The following SCAF11 variants were observed in gnomAD, a reference collection of about 807,000 sequenced individuals.
The protein encoded by SCAF11 is protein SCAF11.
A neutral mutation model predicts 140.5 loss-of-function variants in SCAF11; 47 were observed. That is an observed-to-expected ratio of 0.33 (90% confidence interval 0.26 to 0.43). The LOEUF (loss-of-function observed/expected upper bound fraction) is 0.43. Ranked by LOEUF, SCAF11 falls within the 20% of genes least tolerant of loss-of-function variation. The probability of loss-of-function intolerance (pLI) is 1.00; values close to 1 mark genes in which losing one functional copy is unlikely to be tolerated. For synonymous variants in SCAF11, 557 were observed against 579.4 expected (o/e 0.96, Z 0.55); for missense variants, 1,645 against 1,705.1 (o/e 0.96, Z 0.62).
intron 1 of SCAF11, among the ~76,000 whole-genome samples, chr12:45,971,329 G>A (rs1946067872): frequency 6.6e-6 from 1 of 152,212 alleles, no homozygotes; most frequent in Non-Finnish European, 1.5e-5. Flanking sequence ...GTGAGATCAA[G>A]GAGTTCCAGT....
chr12:45,926,051 A>G, intron 11 of SCAF11, 91 bp downstream of exon 11: 1 of 1,352,416 alleles, frequency 7.4e-7, no homozygotes, highest in Non-Finnish European at 1.0e-6. Flanking sequence ...AAAAACTACA[A>G]ATAAGGATCA....
chr12:45,944,029 G>C (rs1372504744), intron 6 of SCAF11, among the ~76,000 whole-genome samples: 1 of 151,994 alleles, frequency 6.6e-6, no homozygotes, highest in Non-Finnish European at 1.5e-5. Flanking sequence ...AATGAGCCCA[G>C]GCAAGAGATA....
At chr12:45,936,551 T>G (rs1362407874) in intron 6 of SCAF11, among the ~76,000 whole-genome samples, 1 of 152,212 alleles carries the variant, frequency 6.6e-6, no homozygotes, top group Non-Finnish European at 1.5e-5. Flanking sequence ...AGTATAAATC[T>G]GAGTTTAATA....
At chr12:45,943,630 G>A (rs577795883) in intron 6 of SCAF11, among the ~76,000 whole-genome samples, 3 of 152,228 alleles carry the variant, frequency 2.0e-5, no homozygotes, top group African/African-American at 7.2e-5. Flanking sequence ...ATCCCCCATG[G>A]ACAAGGGGTA....
At position 45,926,785 on chromosome 12, in the gene SCAF11, A is replaced by G. The variant is rs1419610737; in HGVS notation, c.2916T>C (p.Asn972=). ...YSPRWKGRWA[N]DGWRCPRGND... is the part of the protein sequence containing the mutation. ...TTCCTCGTGGACATCTCCAACCATC[A>G]TTTGCCCATCTTCCCTTCCACCGGG... Residue 972 remains asparagine (N), a synonymous_variant, in exon 11 of 15, where the codon AAT becomes AAC. Coordinates refer to ENST00000369367, the MANE Select transcript of SCAF11 (RefSeq NM_004719.3). The G allele has an allele frequency of 1.2e-6, 2 of 1,613,878 alleles. No homozygotes were observed. The highest frequency in any genetic ancestry group is 1.1e-5 in the South Asian group (1 of 91,080).
chr12:45,972,987 GATATAGATATATAGATATAT>G (rs1240723837), intron 1 of SCAF11, among the ~76,000 whole-genome samples: 2 of 132,806 alleles, frequency 1.5e-5, no homozygotes, highest in African/African-American at 3.2e-5. Flanking sequence ...TAGATATATA[GATATAGATATATAGATATAT>G]ATATAGATAT....
intron 1 of SCAF11, 137 bp downstream of exon 1, chr12:45,990,216 G>C (rs1946562368): frequency 8.6e-7 from 1 of 1,165,416 alleles, no homozygotes; most frequent in Middle Eastern, 3.3e-4. Flanking sequence ...CGTCGCACGG[G>C]CCGCGCGAGA....
At chr12:45,945,373 A>G in intron 5 of SCAF11, 60 bp from the exon 6 acceptor site, 1 of 966,988 alleles carries the variant, frequency 1.0e-6, no homozygotes, top group Non-Finnish European at 1.6e-6. Context: ...TTGCTCACTT[A>G]TTTTCAACTC....
intron 3 of SCAF11, among the ~76,000 whole-genome samples, chr12:45,956,926 C>T (rs1945702946): frequency 6.6e-6 from 1 of 152,002 alleles, no homozygotes; most frequent in Non-Finnish European, 1.5e-5. Flanking sequence ...CTTTGCTCTA[C>T]TAAAAAATTT....
At chr12:45,984,777 C>T (rs1946424860) in intron 1 of SCAF11, among the ~76,000 whole-genome samples, 1 of 150,390 alleles carries the variant, frequency 6.6e-6, no homozygotes. Flanking sequence ...CCACTGCAAA[C>T]TCCACCTCCC....
chr12:45,957,014 T>G (rs945077243), intron 3 of SCAF11, among the ~76,000 whole-genome samples: 3 of 152,160 alleles, frequency 2.0e-5, no homozygotes, highest in Non-Finnish European at 4.4e-5. Flanking sequence ...CTTGTGGAGC[T>G]AGCAATCACT....
chr12:45,948,779 T>C lies in SCAF11; in HGVS notation c.298-242A>G, dbSNP rs7968005. On this transcript the variant is annotated intron_variant, in intron 4 of 14. Transcript: ENST00000369367. ...AGATTAAGTGCTTATAACAGAGATA[T>C]GAACACAGATTTGTATATACATATA... Among the ~76,000 whole-genome samples the C allele has an allele frequency of 6.0e-3, 920 of 152,248 alleles. 16 individuals carry two copies. The highest frequency in any genetic ancestry group is 0.021 in the African/African-American group (858 of 41,548).
At chr12:45,932,824 AAG>A (rs1221660261) in intron 9 of SCAF11, among the ~76,000 whole-genome samples, 1 of 152,108 alleles carries the variant, frequency 6.6e-6, no homozygotes, top group Non-Finnish European at 1.5e-5. Flanking sequence ...GGAATGGGAG[AAG>A]AGTAGAGGAA....
rs1293734801 is a variant in SCAF11, at chr12:45,920,119, T to C, written c.*1929A>G. 2 of 152,146 alleles carry C rather than the reference T, an allele frequency of 1.3e-5. No individual in the cohort carries two copies. The highest frequency in any genetic ancestry group is 2.4e-5 in the African/African-American group (1 of 41,436). The allele number at this position is 152,146 out of a possible 1,614,324, so 9.4% of individuals were successfully genotyped here. A position where few individuals can be genotyped will look rare whatever the true frequency, so the allele number is the denominator to read the frequency against. On this transcript the variant is annotated 3_prime_UTR_variant, in exon 15 of 15. Coordinates refer to ENST00000369367, the MANE Select transcript of SCAF11 (RefSeq NM_004719.3). The stretch of plus-strand genomic sequence containing the variant: ...ATAATCTAAACGCAAACTTTAAAAA[T>C]ATATACCAGTAGAATACCATATTAC...
chr12:45,958,346 T>C (rs919601386), intron 3 of SCAF11, among the ~76,000 whole-genome samples: 8 of 152,224 alleles, frequency 5.3e-5, no homozygotes, highest in African/African-American at 1.2e-4. Context: ...AACTCAGATA[T>C]ATTAAAAGCT....
At position 45,964,196 on chromosome 12, in the gene SCAF11, A is replaced by T. The variant is rs981604209; in HGVS notation, c.-21-8T>A. 8.0e-7 allele frequency: 1 copy of T among 1,243,952 alleles called. No homozygotes were observed. The highest frequency in any genetic ancestry group is 1.1e-6 in the Non-Finnish European group (1 of 870,800). The allele number at this position is 1,243,952 out of a possible 1,614,324, so 77.1% of individuals were successfully genotyped here. ...TCTTTGGAAAAGGGTTTCCTATAAGATAAATTATAATAGAGAATTTTATGT... is the reference window on the plus strand; with the variant it reads ...TCTTTGGAAAAGGGTTTCCTATAAGTTAAATTATAATAGAGAATTTTATGT... On this transcript the variant is annotated splice_polypyrimidine_tract_variant and splice_region_variant and intron_variant, in intron 1 of 14. Coordinates refer to ENST00000369367, the MANE Select transcript of SCAF11 (RefSeq NM_004719.3).
At chr12:45,930,212 A>C (rs1442030477) in intron 10 of SCAF11, among the ~76,000 whole-genome samples, 1 of 152,214 alleles carries the variant, frequency 6.6e-6, no homozygotes, top group African/African-American at 2.4e-5. Context: ...TCAAGGAATT[A>C]AACTTCTTCT....
At chr12:45,965,853 C>T (rs1053657264) in intron 1 of SCAF11, among the ~76,000 whole-genome samples, 2 of 152,092 alleles carry the variant, frequency 1.3e-5, no homozygotes, top group African/African-American at 4.8e-5. Context: ...AGGAGAAATA[C>T]AAAGTCCCAG....
At position 45,927,551 on chromosome 12, in the gene SCAF11, A is replaced by G; in HGVS notation, c.2150T>C (p.Ile717Thr). The change falls in exon 11 of 15, where the codon ATA becomes ACA. Residue 717 changes from isoleucine to threonine, a missense_variant. Physicochemically the swap from Ile to Thr is moderately conservative, Grantham distance 89. Transcript: ENST00000369367. Reference protein sequence around the residue: ...KHFSEDNNEMIPMECDSFCSD... With the variant: ...KHFSEDNNEMTPMECDSFCSD... Reference sequence around the variant, plus strand: ...GCAAAATGAATCACACTCCATAGGTATCATTTCATTGTTGTCCTCACTAAA... The same window carrying G: ...GCAAAATGAATCACACTCCATAGGTGTCATTTCATTGTTGTCCTCACTAAA... 6.2e-7 allele frequency: 1 copy of G among 1,613,590 alleles called. No individual in the cohort carries two copies. The highest frequency in any genetic ancestry group is 8.5e-7 in the Non-Finnish European group (1 of 1,179,962).
Sources: gnomAD v4.1 joint callset for allele counts (sites outside exome capture counted in the v4.1 genomes callset) on GRCh38, gnomAD v4.1.1 for gene constraint, MANE v1.5 for transcripts, NCBI Gene and HGNC (gene_info 2026-07-23, HGNC 2026-07-21) for gene names.